Variants in KMO observed in about 807,000 individuals in gnomAD.
The protein encoded by KMO is kynurenine 3-hydroxylase.
KMO carries 24 observed loss-of-function variants against 57.8 expected under a neutral mutation model. The observed-to-expected ratio is 0.42, with a 90% CI of 0.30 to 0.58. The LOEUF is 0.58. Among genes scored for constraint, KMO ranks in the 20% least tolerant of loss-of-function variants. KMO has a pLI of 0.22. For missense variants in KMO, 483 were observed against 588.2 expected (o/e 0.82, Z 1.85); for synonymous variants, 210 against 193.6 (o/e 1.08, Z -0.70).
At chr1:241,586,290 C>T (rs1662981414) in intron 10 of KMO, among the ~76,000 whole-genome samples, 1 of 149,128 alleles carries the variant, frequency 6.7e-6, no homozygotes, top group South Asian at 2.2e-4. Context: ...CCTCCATCTC[C>T]CAGGTTCAAG....
chr1:241,568,932 G>A (rs181832350), intron 10 of KMO, among the ~76,000 whole-genome samples: 1 of 152,150 alleles, frequency 6.6e-6, no homozygotes, highest in Admixed American at 6.6e-5. Context: ...AAAATCCATG[G>A]ATGCTCATGT....
chr1:241,586,629 C>CT (rs751257732), intron 10 of KMO, 50 bp from the exon 11 acceptor site: 15 of 1,239,566 alleles, frequency 1.2e-5, no homozygotes, highest in Non-Finnish European at 1.6e-5. Context: ...ATAAGGGTTT[C>CT]TTTTTTATTA....
At chr1:241,575,776 T>C (rs1003405035) in intron 10 of KMO, among the ~76,000 whole-genome samples, 1 of 152,080 alleles carries the variant, frequency 6.6e-6, no homozygotes, top group African/African-American at 2.4e-5. Context: ...TGTAAATATC[T>C]GTTAGATCTA....
Position 241,566,551 on chromosome 1 carries a change from A to G in KMO, c.748A>G (p.Ser250Gly), listed in dbSNP as rs1662086045. 1 of 1,613,508 alleles carries G rather than the reference A, an allele frequency of 6.2e-7. No homozygotes were observed. The highest frequency in any genetic ancestry group is 8.5e-7 in the Non-Finnish European group (1 of 1,179,454). ...PFEEFEKLLT[S>G]NDVVDFFQKY... ...TGAAGAGTTTGAAAAACTTCTAACCAGTAATGATGTGGTAGATTTCTTCCA... is the reference window on the plus strand; with the variant it reads ...TGAAGAGTTTGAAAAACTTCTAACCGGTAATGATGTGGTAGATTTCTTCCA... Residue 250 changes from serine (S) to glycine (G), a missense_variant, in exon 9 of 15, where the codon AGT becomes GGT. Ser to Gly is a moderately conservative substitution (Grantham distance 56). This residue lies in a region of KMO where 410 missense variants were observed against 492.3 expected (regional missense o/e 0.83). Transcript: ENST00000366559.
At chr1:241,551,120 C>T (rs1661378005) in intron 4 of KMO, 76 bp downstream of exon 4, 3 of 799,320 alleles carry the variant, frequency 3.8e-6, no homozygotes, top group African/African-American at 1.8e-5. Flanking sequence ...TGTTTGATGG[C>T]CCCTCTCTCT....
chr1:241,542,082 C>A (rs1191793269), intron 1 of KMO, among the ~76,000 whole-genome samples: 1 of 152,120 alleles, frequency 6.6e-6, no homozygotes, highest in African/African-American at 2.4e-5. Context: ...AATAGGATCA[C>A]AGTTTTTCCC....
intron 1 of KMO, among the ~76,000 whole-genome samples, chr1:241,546,941 G>A (rs1040982948): frequency 6.6e-6 from 1 of 152,140 alleles, no homozygotes; most frequent in Non-Finnish European, 1.5e-5. Flanking sequence ...AGGAAAAGTG[G>A]GACTGGCCAG....
intron 14 of KMO, 45 bp from the exon 15 acceptor site, chr1:241,591,908 T>C: frequency 6.6e-7 from 1 of 1,519,124 alleles, no homozygotes; most frequent in Non-Finnish European, 9.1e-7. Flanking sequence ...ATTTTCAGAT[T>C]TTAATCTCTG....
At position 241,582,704 on chromosome 1, in the gene KMO, C is replaced by T. The variant is rs956704716; in HGVS notation, c.958-3975C>T. On this transcript the variant is annotated intron_variant, in intron 10 of 14. Coordinates refer to ENST00000366559, the MANE Select transcript of KMO (RefSeq NM_003679.5). ...TGATGTTTGTTGAACTTCTGCAAGA[C>T]GAGTATTTTGAATTCTCTATTTGAA... 5.3e-5 allele frequency among the ~76,000 whole-genome samples: 8 copies of T among 152,146 alleles called. No individual in the cohort carries two copies. The South Asian group carries it at 6.2e-4, about 12-fold the overall frequency.
intron 8 of KMO, 45 bp downstream of exon 8, chr1:241,565,103 A>G (rs1276562304): frequency 1.3e-5 from 14 of 1,099,006 alleles, no homozygotes; most frequent in Non-Finnish European, 2.8e-6. Flanking sequence ...ATTTGTAATT[A>G]ATGTTGTTTA....
chr1:241,549,444 AG>A (rs1276629344), intron 2 of KMO, among the ~76,000 whole-genome samples: 1 of 152,136 alleles, frequency 6.6e-6, no homozygotes, highest in African/African-American at 2.4e-5. Context: ...GAACTTAAAA[AG>A]TTTCTTTAAT....
intron 4 of KMO, among the ~76,000 whole-genome samples, chr1:241,553,674 A>G (rs1661497567): frequency 6.6e-6 from 1 of 152,220 alleles, no homozygotes; most frequent in East Asian, 1.9e-4. Flanking sequence ...GGGGAACAGC[A>G]AGACCCTGTC....
At chr1:241,549,024 C>A (rs1242340883) in intron 2 of KMO, 126 bp downstream of exon 2, 1 of 614,764 alleles carries the variant, frequency 1.6e-6, no homozygotes, top group Non-Finnish European at 3.0e-6. Flanking sequence ...CATGGCAAAA[C>A]CCCATCTCTA....
chr1:241,549,260 A>AGTCG (rs780673892), intron 2 of KMO, among the ~76,000 whole-genome samples: 20,059 of 138,920 alleles, frequency 0.14, 3,096 homozygotes, highest in Non-Finnish European at 0.16. Flanking sequence ...AAAGAAAGAA[A>AGTCG]GAAAGAAAGG....
At chr1:241,564,878 TG>T in intron 7 of KMO, 108 bp from the exon 8 acceptor site, 4 of 683,024 alleles carry the variant, frequency 5.9e-6, no homozygotes, top group Non-Finnish European at 1.0e-5. Flanking sequence ...CGTATCATCG[TG>T]TAGATGCTAC....
intron 14 of KMO, 158 bp downstream of exon 14, chr1:241,590,421 T>G: frequency 1.7e-6 from 1 of 594,552 alleles, no homozygotes; most frequent in Non-Finnish European, 2.9e-6. Flanking sequence ...GAGGGAACAG[T>G]GCTTACTGAA....
chr1:241,553,454 A>G (rs998120531), intron 4 of KMO, among the ~76,000 whole-genome samples: 1 of 152,224 alleles, frequency 6.6e-6, no homozygotes, highest in African/African-American at 2.4e-5. Context: ...TGGGAGGCCA[A>G]GGTAGGTGGA....
chr1:241,554,742 C>G (rs1001854386), intron 4 of KMO, among the ~76,000 whole-genome samples: 1 of 149,350 alleles, frequency 6.7e-6, no homozygotes, highest in Non-Finnish European at 1.5e-5. Flanking sequence ...TGGCCAAGGT[C>G]GGTGGATCAC....
At chr1:241,577,904 TC>T (rs1165877052) in intron 10 of KMO, among the ~76,000 whole-genome samples, 1 of 152,028 alleles carries the variant, frequency 6.6e-6, no homozygotes, top group Non-Finnish European at 1.5e-5. Context: ...TCTCCCCTTT[TC>T]CTTCTGGCCT....
Sources: allele counts gnomAD v4.1 joint callset (sites outside exome capture counted in the v4.1 genomes callset), GRCh38; gene constraint gnomAD v4.1.1; regional missense constraint gnomAD v4.1.1; transcripts MANE v1.5; gene names NCBI Gene and HGNC (gene_info 2026-07-23, HGNC 2026-07-21).